PPARG: variants seen among roughly 807,000 people sequenced by gnomAD.
PPARG encodes the protein peroxisome proliferator-activated receptor gamma.
PPARG carries 17 observed loss-of-function variants against 39.2 expected under a neutral mutation model. The observed-to-expected ratio is 0.43, with a 90% CI of 0.30 to 0.65. The LOEUF (loss-of-function observed/expected upper bound fraction) is 0.65. Ranked by LOEUF, PPARG falls within the 30% of genes least tolerant of loss-of-function variation. PPARG has a pLI of 0.13. For synonymous variants in PPARG, 223 were observed against 215.7 expected, an observed-to-expected ratio of 1.03 and a Z score of -0.30; for missense variants, 406 against 585.9, an observed-to-expected ratio of 0.69 and a Z score of 3.17.
In PPARG at chr3:12,392,622, C is replaced by T. The variant is rs1409804117; in HGVS notation, c.399C>T (p.Phe133=). 2 of 1,613,790 alleles carry T rather than the reference C, an allele frequency of 1.2e-6. No individual in the cohort carries two copies. Among genetic ancestry groups the T allele is most frequent in the Non-Finnish European group, 1.7e-6 (2 of 1,179,814 alleles). Residue 133 remains phenylalanine, a synonymous_variant, in exon 5 of 8, where the codon TTC becomes TTT. Coordinates refer to ENST00000651735, the MANE Select transcript of PPARG (RefSeq NM_138711.6). The part of the protein sequence containing the change: ...VHACEGCKGF[F]RRTIRLKLIY... ...TTTTTATCCCTTTGCAGGGTTTCTTCCGGAGAACAATCAGATTGAAGCTTA... is the reference window on the plus strand; with the variant it reads ...TTTTTATCCCTTTGCAGGGTTTCTTTCGGAGAACAATCAGATTGAAGCTTA...
At chr3:12,321,055 C>T (rs1574984798) in intron 2 of PPARG, among the ~76,000 whole-genome samples, 1 of 152,206 alleles carries the variant, frequency 6.6e-6, no homozygotes, top group Non-Finnish European at 1.5e-5. Flanking sequence ...TATACACCAG[C>T]ATGAAAAGTG....
At chr3:12,426,562 A>G (rs544884712) in intron 7 of PPARG, among the ~76,000 whole-genome samples, 70 of 152,222 alleles carry the variant, frequency 4.6e-4, no homozygotes, top group African/African-American at 1.6e-3. Context: ...GGAAGGCTGA[A>G]GGGAAAAGAA....
rs1801282 is a variant in PPARG at position 12,351,626 on chromosome 3, C to G, written c.-8-28078C>G. 0.11 allele frequency: 181,875 copies of G among 1,609,512 alleles called. 11,398 individuals carry two copies. Among genetic ancestry groups the G allele is most frequent in the South Asian group, 0.12 (11,177 of 90,986 alleles). Reference sequence around the variant, plus strand: ...AACTCTGGGAGATTCTCCTATTGACCCAGAAAGCGATTCCTTCACTGATAC... The same window carrying G: ...AACTCTGGGAGATTCTCCTATTGACGCAGAAAGCGATTCCTTCACTGATAC... On this transcript the variant is annotated intron_variant, in intron 2 of 7. Transcript: ENST00000651735.
At chr3:12,320,778 G>A (rs1324817657) in intron 2 of PPARG, among the ~76,000 whole-genome samples, 1 of 152,206 alleles carries the variant, frequency 6.6e-6, no homozygotes, top group African/African-American at 2.4e-5. Context: ...TACTCAGGTG[G>A]CTGAAGCAGG....
chr3:12,305,571 C>CA (rs1442015208), intron 1 of PPARG, among the ~76,000 whole-genome samples: 8 of 152,330 alleles, frequency 5.3e-5, no homozygotes, highest in Admixed American at 3.3e-4. Flanking sequence ...TTTTTTATTA[C>CA]ACTTTCATAT....
chr3:12,362,521 AAAT>A (rs2048880032), intron 2 of PPARG, among the ~76,000 whole-genome samples: 1 of 12,282 alleles, frequency 8.1e-5, no homozygotes. Flanking sequence ...TTCGTCTCAA[AAAT>A]AAATAAATAA....
intron 2 of PPARG, among the ~76,000 whole-genome samples, chr3:12,373,997 G>A (rs1280623816): frequency 6.6e-6 from 1 of 152,178 alleles, no homozygotes; most frequent in African/African-American, 2.4e-5. Context: ...AACCTGGGCA[G>A]ATAGTATGAT....
chr3:12,357,104 T>A (rs2048690424), intron 2 of PPARG, among the ~76,000 whole-genome samples: 1 of 152,062 alleles, frequency 6.6e-6, no homozygotes, highest in African/African-American at 2.4e-5. Context: ...GTTTTCAGCT[T>A]CCATCCTAAC....
chr3:12,427,263 A>G lies in PPARG; in HGVS notation c.1181-6635A>G, dbSNP rs186983300. ...CCCAGCATCATTTCTTCAAGGAAGT[A>G]GTGAATTGGGGCACCGTGGGTTTTT... is the stretch of plus-strand genomic sequence containing the variant. On this transcript the variant is annotated intron_variant, in intron 7 of 7. Coordinates refer to ENST00000651735, the MANE Select transcript of PPARG (RefSeq NM_138711.6). 1.4e-3 allele frequency among the ~76,000 whole-genome samples: 220 copies of G among 152,360 alleles called. 1 individual carries two copies. Among genetic ancestry groups the G allele is most frequent in the African/African-American group, 5.1e-3 (214 of 41,602 alleles).
chr3:12,380,957 A>G (rs1474936891), intron 3 of PPARG, among the ~76,000 whole-genome samples: 1 of 152,180 alleles, frequency 6.6e-6, no homozygotes, highest in Non-Finnish European at 1.5e-5. Flanking sequence ...AAAATGTATA[A>G]TTTAATATTG....
At chr3:12,373,067 C>T (rs557233338) in intron 2 of PPARG, among the ~76,000 whole-genome samples, 45 of 152,150 alleles carry the variant, frequency 3.0e-4, no homozygotes, top group Non-Finnish European at 3.2e-4. Context: ...TTCATTTGTT[C>T]TTTCATGGGT....
At chr3:12,348,163 T>C (rs1485912032) in intron 2 of PPARG, among the ~76,000 whole-genome samples, 2 of 152,232 alleles carry the variant, frequency 1.3e-5, no homozygotes, top group Non-Finnish European at 2.9e-5. Flanking sequence ...TTTAATATTC[T>C]ATATTATGGG....
intron 4 of PPARG, among the ~76,000 whole-genome samples, chr3:12,386,301 TA>T (rs1442218097): frequency 9.6e-6 from 1 of 103,874 alleles, no homozygotes; most frequent in Non-Finnish European, 1.9e-5. Flanking sequence ...AACACTTGGT[TA>T]TCATGAACTC....
At chr3:12,305,532 C>T (rs2047039155) in intron 1 of PPARG, among the ~76,000 whole-genome samples, 1 of 152,132 alleles carries the variant, frequency 6.6e-6, no homozygotes, top group Admixed American at 6.5e-5. Context: ...TTTCCAAATG[C>T]AGATATAGCA....
At chr3:12,411,088 A>G (rs984121723) in intron 6 of PPARG, among the ~76,000 whole-genome samples, 2 of 152,218 alleles carry the variant, frequency 1.3e-5, no homozygotes, top group Non-Finnish European at 2.9e-5. Context: ...AAATTCTTCT[A>G]TTGCCAGGAC....
At chr3:12,381,676 C>T (rs549324809) in intron 4 of PPARG, among the ~76,000 whole-genome samples, 185 bp downstream of exon 4, 14 of 152,228 alleles carry the variant, frequency 9.2e-5, no homozygotes, top group Non-Finnish European at 1.9e-4. Flanking sequence ...CTTCTGGGCT[C>T]AAGTGATCCT....
At chr3:12,408,585 T>C (rs2050761496) in intron 6 of PPARG, among the ~76,000 whole-genome samples, 2 of 138,994 alleles carry the variant, frequency 1.4e-5, no homozygotes, top group Non-Finnish European at 3.2e-5. Context: ...TTTTTTTTTT[T>C]TGAGGTGGGG....
At chr3:12,376,788 G>A (rs144914490) in intron 2 of PPARG, among the ~76,000 whole-genome samples, 131 of 152,258 alleles carry the variant, frequency 8.6e-4, no homozygotes, top group Non-Finnish European at 9.3e-4. Flanking sequence ...AATGTATTTA[G>A]TATTTAATAA....
At chr3:12,395,495 G>C (rs1448043646) in intron 5 of PPARG, among the ~76,000 whole-genome samples, 3 of 152,106 alleles carry the variant, frequency 2.0e-5, no homozygotes, top group Admixed American at 2.0e-4. Context: ...GGCTATGTAG[G>C]GTTACAGCTC....
Sources: allele counts gnomAD v4.1 joint callset (sites outside exome capture counted in the v4.1 genomes callset), GRCh38; gene constraint gnomAD v4.1.1; transcripts MANE v1.5; gene names NCBI Gene and HGNC (gene_info 2026-07-23, HGNC 2026-07-21).